CPS1: variants seen among roughly 807,000 people sequenced by gnomAD.
CPS1 encodes carbamoyl-phosphate synthase 1, also known as carbamoyl-phosphate synthase [ammonia], mitochondrial.
CPS1 carries 109 observed loss-of-function variants against 174.6 expected under a neutral mutation model. The observed-to-expected ratio is 0.62, with a 90% CI of 0.53 to 0.73. The LOEUF (loss-of-function observed/expected upper bound fraction) is 0.73, where lower values mean the gene tolerates loss of function less well. Among genes scored for constraint, CPS1 ranks in the 30% least tolerant of loss-of-function variants. CPS1 has a pLI of 0.00. For synonymous variants in CPS1, 637 were observed against 632.0 expected, an observed-to-expected ratio of 1.01 and a Z score of -0.12; for missense variants, 1,689 against 1,821.9, an observed-to-expected ratio of 0.93 and a Z score of 1.33.
chr2:210,606,661 A>G lies in CPS1; in HGVS notation c.1982-70A>G, dbSNP rs1226085324. On this transcript the variant is annotated intron_variant, in intron 17 of 37. Transcript: ENST00000233072. ...GTTCTATGTCTTGCATCGTGCAAGT[A>G]GATGGTTAAGTCGCTGAAGTTGGTT... 2.9e-6 allele frequency: 4 copies of G among 1,371,820 alleles called. No individual in the cohort carries two copies. In the Admixed American group the frequency reaches 6.7e-5, roughly 23 times the overall value. 85.0% of individuals were successfully genotyped at this position (1,371,820 alleles called of 1,614,324 possible). A position where few individuals can be genotyped will look rare whatever the true frequency, so the allele number is the denominator to read the frequency against.
chr2:210,480,471 C>T (rs557012099), intron 1 of CPS1, among the ~76,000 whole-genome samples: 10 of 152,300 alleles, frequency 6.6e-5, no homozygotes, highest in African/African-American at 1.9e-4. Context: ...CCAGCAAAGG[C>T]GCAGCATGCT....
intron 21 of CPS1, among the ~76,000 whole-genome samples, chr2:210,635,147 G>A (rs768527570): frequency 2.0e-5 from 3 of 152,054 alleles, no homozygotes; most frequent in Non-Finnish European, 4.4e-5. Context: ...GTTTCACCAT[G>A]TTGGCCAGGC....
At chr2:210,565,951 G>A (rs1697288237) in intron 1 of CPS1, among the ~76,000 whole-genome samples, 1 of 152,186 alleles carries the variant, frequency 6.6e-6, no homozygotes, top group Admixed American at 6.5e-5. Context: ...GCTTCAGGAA[G>A]TAGAACTGGA....
At chr2:210,499,597 A>G (rs1420775923) in intron 1 of CPS1, among the ~76,000 whole-genome samples, 1 of 152,200 alleles carries the variant, frequency 6.6e-6, no homozygotes, top group Non-Finnish European at 1.5e-5. Context: ...TAAAAACGGC[A>G]TCCTGCTTTC....
chr2:210,486,151 CACACACA>C (rs1375365143), intron 1 of CPS1, among the ~76,000 whole-genome samples: 2,259 of 131,276 alleles, frequency 0.017, 57 homozygotes, highest in African/African-American at 0.069. Context: ...CACACACACA[CACACACA>C]CCCTGTATAT....
intron 1 of CPS1, among the ~76,000 whole-genome samples, chr2:210,569,968 A>G (rs1309804632): frequency 6.8e-6 from 1 of 147,260 alleles, no homozygotes; most frequent in South Asian, 2.1e-4. Context: ...AAAATATCTT[A>G]TGATAGTAAC....
chr2:210,592,841 TTA>T (rs976136987), intron 10 of CPS1, 36 bp from the exon 11 acceptor site: 70 of 1,559,920 alleles, frequency 4.5e-5, no homozygotes, highest in Non-Finnish European at 5.5e-5. Context: ...ACATTCATTG[TTA>T]CAGAAGGAAT....
At chr2:210,613,876 T>C (rs1412462259) in intron 20 of CPS1, among the ~76,000 whole-genome samples, 1 of 152,030 alleles carries the variant, frequency 6.6e-6, no homozygotes, top group East Asian at 1.9e-4. Flanking sequence ...AAGGAACTGA[T>C]TTCTGTTTGT....
Position 210,642,675 on chromosome 2 carries a change from G to C in CPS1, c.3141+10G>C. 6.2e-7 allele frequency: 1 copy of C among 1,609,922 alleles called. No homozygotes were observed. Among genetic ancestry groups the C allele is most frequent in the Non-Finnish European group, 8.5e-7 (1 of 1,177,902 alleles). On this transcript the variant is annotated intron_variant, in intron 25 of 37. Transcript: ENST00000233072. Reference sequence around the variant, plus strand: ...CATCTACCATCAGGAGGTAAGAAAAGAAAAACAGAAAAAAAAGAAAAAAGA... The same window carrying C: ...CATCTACCATCAGGAGGTAAGAAAACAAAAACAGAAAAAAAAGAAAAAAGA...
intron 21 of CPS1, among the ~76,000 whole-genome samples, chr2:210,627,590 A>G (rs1473087613): frequency 2.6e-5 from 4 of 152,184 alleles, no homozygotes; most frequent in Non-Finnish European, 2.9e-5. Flanking sequence ...AGAGTCATGC[A>G]CTTCGTATCC....
At chr2:210,507,928 G>A (rs2105970691) in intron 1 of CPS1, among the ~76,000 whole-genome samples, 1 of 151,606 alleles carries the variant, frequency 6.6e-6, no homozygotes, top group East Asian at 1.9e-4. Context: ...CAATAATAAT[G>A]GGAGACTTTA....
chr2:210,595,416 TCCAATCTTGAAAATGCC>T, intron 12 of CPS1, 54 bp from the exon 13 acceptor site: 1 of 1,080,310 alleles, frequency 9.3e-7, no homozygotes, highest in African/African-American at 1.6e-5. Flanking sequence ...GTTTGTCTTC[TCCAATCTTGAAAATGCC>T]TTATTTCCCC....
At chr2:210,487,198 A>G (rs1006924621) in intron 1 of CPS1, among the ~76,000 whole-genome samples, 2 of 152,078 alleles carry the variant, frequency 1.3e-5, no homozygotes, top group South Asian at 4.1e-4. Context: ...GACCTACTGA[A>G]CAACATGTCA....
chr2:210,540,313 A>G (rs75266462), intron 1 of CPS1, among the ~76,000 whole-genome samples: 2 of 152,220 alleles, frequency 1.3e-5, no homozygotes, highest in Non-Finnish European at 2.9e-5. Flanking sequence ...GGAGAAGGTC[A>G]GTAAAATAAT....
chr2:210,562,774 G>A (rs183818474), intron 1 of CPS1, among the ~76,000 whole-genome samples: 6 of 151,710 alleles, frequency 4.0e-5, no homozygotes, highest in South Asian at 4.2e-4. Context: ...AATAGTTTAC[G>A]TAGATAAATG....
chr2:210,654,188 T>G, intron 29 of CPS1, 86 bp downstream of exon 29: 2 of 1,209,242 alleles, frequency 1.7e-6, no homozygotes, highest in Non-Finnish European at 2.5e-6. Context: ...AGGTTAGAAT[T>G]CATAATATCT....
chr2:210,656,793 C>A (rs1700722205), intron 30 of CPS1, among the ~76,000 whole-genome samples, 161 bp downstream of exon 30: 1 of 150,476 alleles, frequency 6.6e-6, no homozygotes, highest in East Asian at 2.0e-4. Flanking sequence ...CCTGGGTATT[C>A]TAAAGATAAC....
chr2:210,497,914 A>ATC (rs1487668275), intron 1 of CPS1, among the ~76,000 whole-genome samples: 1,810 of 141,252 alleles, frequency 0.013, 77 homozygotes, highest in Middle Eastern at 0.054. Flanking sequence ...ATATATATAT[A>ATC]TATATCTCCA....
intron 11 of CPS1, 143 bp from the exon 12 acceptor site, chr2:210,594,365 A>G: frequency 6.2e-6 from 4 of 646,884 alleles, no homozygotes; most frequent in South Asian, 5.4e-5. Context: ...AGTTATTGAC[A>G]AAAAAGCAAA....
Sources: gnomAD v4.1 joint callset for allele counts (sites outside exome capture counted in the v4.1 genomes callset) on GRCh38, gnomAD v4.1.1 for gene constraint, MANE v1.5 for transcripts, NCBI Gene and HGNC (gene_info 2026-07-23, HGNC 2026-07-21) for gene names.